The following REEP3 variants were observed in gnomAD, a reference collection of about 807,000 sequenced individuals.
The protein encoded by REEP3 is receptor accessory protein 3.
In REEP3, 20 loss-of-function variants were observed where a neutral mutation model predicts 41.3. The observed-to-expected ratio is 0.48, with a 90% CI of 0.34 to 0.70. The LOEUF is 0.70. Among genes scored for constraint, REEP3 ranks in the 30% least tolerant of loss-of-function variants. The pLI is 0.01. For synonymous variants in REEP3, 104 were observed against 101.8 expected, an observed-to-expected ratio of 1.02 and a Z score of -0.13; for missense variants, 271 against 308.8, an observed-to-expected ratio of 0.88 and a Z score of 0.92.
intron 1 of REEP3, among the ~76,000 whole-genome samples, chr10:63,530,199 A>C (rs932860948): frequency 6.6e-6 from 1 of 152,152 alleles, no homozygotes; most frequent in Non-Finnish European, 1.5e-5. Flanking sequence ...TTAAATCCTT[A>C]TGGAAGTTTG....
chr10:63,597,023 T>C (rs765665982), intron 3 of REEP3, among the ~76,000 whole-genome samples: 14 of 152,224 alleles, frequency 9.2e-5, no homozygotes, highest in Admixed American at 3.9e-4. Context: ...TAATGGGTAA[T>C]GGAGTGAGGG....
chr10:63,624,505 A>G lies in REEP3; in HGVS notation c.*3636A>G, dbSNP rs1245905890. Reference sequence around the variant, plus strand: ...TTTGTAAAAGGCTATCTCTAAGCCTAGTATGTGGGTAATTTTACAGGTGTG... The same window carrying G: ...TTTGTAAAAGGCTATCTCTAAGCCTGGTATGTGGGTAATTTTACAGGTGTG... On this transcript the variant is annotated 3_prime_UTR_variant, in exon 8 of 8. Coordinates refer to ENST00000373758, the MANE Select transcript of REEP3 (RefSeq NM_001001330.3). The G allele has an allele frequency of 6.6e-6, 1 of 152,174 alleles. No individual in the cohort carries two copies. The highest frequency in any genetic ancestry group is 1.5e-5 in the Non-Finnish European group (1 of 67,976). 9.4% of individuals were successfully genotyped at this position (152,174 alleles called of 1,614,324 possible). A position where few individuals can be genotyped will look rare whatever the true frequency, so the allele number is the denominator to read the frequency against.
At chr10:63,604,573 A>G (rs1251868655) in intron 5 of REEP3, among the ~76,000 whole-genome samples, 1 of 152,216 alleles carries the variant, frequency 6.6e-6, no homozygotes, top group Non-Finnish European at 1.5e-5. Flanking sequence ...GATTAGGTCA[A>G]AAATCCGAAC....
At position 63,623,267 on chromosome 10, in the gene REEP3, A is replaced by G. The variant is rs1423403178; in HGVS notation, c.*2398A>G. On this transcript the variant is annotated 3_prime_UTR_variant, in exon 8 of 8. Coordinates refer to ENST00000373758, the MANE Select transcript of REEP3 (RefSeq NM_001001330.3). ...TCTTCTTTCTCTTCTACATTTCTTAAATTTTGGTTCTTTTCCTGTACATGT... is the reference window on the plus strand; with the variant it reads ...TCTTCTTTCTCTTCTACATTTCTTAGATTTTGGTTCTTTTCCTGTACATGT... The G allele has an allele frequency of 6.6e-6, 1 of 151,962 alleles. No homozygotes were observed. The highest frequency in any genetic ancestry group is 1.5e-5 in the Non-Finnish European group (1 of 67,976). The allele number at this position is 151,962 out of a possible 1,614,324, so 9.4% of individuals were successfully genotyped here. A position where few individuals can be genotyped will look rare whatever the true frequency, so the allele number is the denominator to read the frequency against.
chr10:63,561,734 A>G (rs1180918618), intron 1 of REEP3, among the ~76,000 whole-genome samples: 1 of 152,240 alleles, frequency 6.6e-6, no homozygotes, highest in African/African-American at 2.4e-5. Context: ...GAGTTTGAAA[A>G]TAAAACAAGA....
intron 7 of REEP3, among the ~76,000 whole-genome samples, 180 bp downstream of exon 7, chr10:63,619,980 C>T (rs1295309892): frequency 1.4e-5 from 2 of 141,156 alleles, no homozygotes; most frequent in Non-Finnish European, 3.0e-5. Context: ...CTTTGTCAAC[C>T]AAATTGGAGT....
intron 2 of REEP3, among the ~76,000 whole-genome samples, chr10:63,571,057 G>C (rs978301206): frequency 6.6e-6 from 1 of 152,168 alleles, no homozygotes; most frequent in African/African-American, 2.4e-5. Flanking sequence ...CGAGGCTGCA[G>C]TAAGTCCTGA....
At chr10:63,558,615 C>T (rs1955712463) in intron 1 of REEP3, among the ~76,000 whole-genome samples, 1 of 152,056 alleles carries the variant, frequency 6.6e-6, no homozygotes, top group Non-Finnish European at 1.5e-5. Flanking sequence ...GGCAAGACCC[C>T]CCTCTCTACA....
At chr10:63,562,146 T>C (rs1026721168) in intron 1 of REEP3, among the ~76,000 whole-genome samples, 23 of 152,014 alleles carry the variant, frequency 1.5e-4, no homozygotes, top group African/African-American at 4.1e-4. Flanking sequence ...CTAAGTTAAA[T>C]TGAAAAGCCC....
chr10:63,565,844 GT>G (rs1469734281), intron 1 of REEP3, among the ~76,000 whole-genome samples: 1 of 149,744 alleles, frequency 6.7e-6, no homozygotes, highest in African/African-American at 2.5e-5. Flanking sequence ...AAAAAATAAA[GT>G]TTTTATTTTC....
intron 5 of REEP3, among the ~76,000 whole-genome samples, chr10:63,600,491 G>C (rs1407065059): frequency 6.6e-6 from 1 of 152,072 alleles, no homozygotes; most frequent in Non-Finnish European, 1.5e-5. Flanking sequence ...ATTAGGATAG[G>C]TTTATAAATG....
At chr10:63,619,946 G>GTTTTT (rs1956341095) in intron 7 of REEP3, 146 bp downstream of exon 7, 2 of 614,324 alleles carry the variant, frequency 3.3e-6, no homozygotes, top group African/African-American at 3.5e-5. Flanking sequence ...TTTTTTTTTA[G>GTTTTT]TTTTTGGGGA....
chr10:63,603,455 G>T (rs1956193867), intron 5 of REEP3, among the ~76,000 whole-genome samples: 1 of 151,742 alleles, frequency 6.6e-6, no homozygotes, highest in African/African-American at 2.4e-5. Flanking sequence ...TGGCTCTCTT[G>T]TGATTTATTC....
At chr10:63,538,713 G>A (rs1289366439) in intron 1 of REEP3, among the ~76,000 whole-genome samples, 2 of 152,044 alleles carry the variant, frequency 1.3e-5, no homozygotes, top group African/African-American at 2.4e-5. Flanking sequence ...CAGCCTGGGC[G>A]ACAGAGCGAG....
chr10:63,593,204 C>T (rs1024422622), intron 2 of REEP3, among the ~76,000 whole-genome samples: 6 of 152,126 alleles, frequency 3.9e-5, no homozygotes, highest in East Asian at 1.9e-4. Flanking sequence ...ATATTGCCTG[C>T]GAAATACCCA....
At position 63,535,709 on chromosome 10, in the gene REEP3, C is replaced by T. The variant is rs143355899; in HGVS notation, c.32+14132C>T. ...CAAGCTTGCAAAGAATCTGATATGA[C>T]AGTGGTAGAATTCAAAATCAATGGG... On this transcript the variant is annotated intron_variant, in intron 1 of 7. Transcript: ENST00000373758. 6.4e-3 allele frequency among the ~76,000 whole-genome samples: 974 copies of T among 152,122 alleles called. 4 individuals are homozygous for T. Among genetic ancestry groups the T allele is most frequent in the Non-Finnish European group, 9.5e-3 (648 of 67,992 alleles).
At chr10:63,571,304 C>T (rs180776949) in intron 2 of REEP3, among the ~76,000 whole-genome samples, 7 of 152,276 alleles carry the variant, frequency 4.6e-5, no homozygotes, top group Admixed American at 2.6e-4. Flanking sequence ...CTTAGAACAA[C>T]GTAAATTTAT....
chr10:63,568,441 G>T (rs945677398), intron 2 of REEP3, among the ~76,000 whole-genome samples: 1 of 150,976 alleles, frequency 6.6e-6, no homozygotes, highest in Admixed American at 6.6e-5. Flanking sequence ...TAATTTTTTT[G>T]TATTTTTAAT....
chr10:63,560,265 C>T (rs910756990), intron 1 of REEP3, among the ~76,000 whole-genome samples: 2 of 151,866 alleles, frequency 1.3e-5, no homozygotes, highest in African/African-American at 4.8e-5. Context: ...AGATTAAATC[C>T]TTGATATTAG....
Sources: allele counts gnomAD v4.1 joint callset (sites outside exome capture counted in the v4.1 genomes callset), GRCh38; gene constraint gnomAD v4.1.1; transcripts MANE v1.5; gene names NCBI Gene and HGNC (gene_info 2026-07-23, HGNC 2026-07-21).